The following PPARD variants were observed in gnomAD, a reference collection of about 807,000 sequenced individuals.
The protein encoded by PPARD is peroxisome proliferator activated receptor delta, also known as peroxisome proliferator-activated receptor delta.
Under a neutral mutation model 39.5 loss-of-function variants are expected in PPARD, and 6 were observed. That is an observed-to-expected ratio of 0.15 (90% confidence interval 0.08 to 0.30). The LOEUF (loss-of-function observed/expected upper bound fraction) is 0.30, where lower values mean the gene tolerates loss of function less well. PPARD is among the 10% of genes least tolerant of loss of function. The probability of loss-of-function intolerance (pLI) is 1.00; values close to 1 mark genes in which losing one functional copy is unlikely to be tolerated. For missense variants in PPARD, 397 were observed against 596.8 expected, an observed-to-expected ratio of 0.67 and a Z score of 3.49; for synonymous variants, 210 against 231.3, an observed-to-expected ratio of 0.91 and a Z score of 0.83.
intron 2 of PPARD, among the ~76,000 whole-genome samples, chr6:35,347,431 C>T (rs1457426116): frequency 6.6e-6 from 1 of 152,100 alleles, no homozygotes. Context: ...GTTTTGCTGC[C>T]TGTTGTGTCT....
At chr6:35,423,520 G>A (rs1184952267) in intron 5 of PPARD, among the ~76,000 whole-genome samples, 92 of 150,806 alleles carry the variant, frequency 6.1e-4, no homozygotes, top group African/African-American at 2.1e-3. Context: ...GAGACAGAGC[G>A]AGACTCTGTC....
chr6:35,369,046 A>G (rs1235323607), intron 2 of PPARD, among the ~76,000 whole-genome samples: 1 of 152,218 alleles, frequency 6.6e-6, no homozygotes, highest in East Asian at 1.9e-4. Flanking sequence ...TACTTAAGGT[A>G]CACTTGGAAA....
At chr6:35,354,256 G>A (rs1412718443) in intron 2 of PPARD, among the ~76,000 whole-genome samples, 3 of 140,700 alleles carry the variant, frequency 2.1e-5, no homozygotes, top group Admixed American at 1.4e-4. Context: ...AAAAAAAAGC[G>A]ATACACATTC....
At chr6:35,386,763 A>T (rs746906438) in intron 2 of PPARD, among the ~76,000 whole-genome samples, 21 of 152,096 alleles carry the variant, frequency 1.4e-4, no homozygotes, top group Non-Finnish European at 2.6e-4. Context: ...TGAGAGACAG[A>T]GACAGACCTA....
chr6:35,377,359 G>A (rs891191710), intron 2 of PPARD, among the ~76,000 whole-genome samples: 2 of 152,088 alleles, frequency 1.3e-5, no homozygotes, highest in African/African-American at 2.4e-5. Context: ...GCTCTTTCAC[G>A]TTAATTTAGT....
At chr6:35,354,226 C>T (rs1207369088) in intron 2 of PPARD, among the ~76,000 whole-genome samples, 3 of 119,306 alleles carry the variant, frequency 2.5e-5, no homozygotes, top group African/African-American at 7.2e-5. Flanking sequence ...AGCGAGACTC[C>T]GTCTCAAAAA....
At chr6:35,371,432 C>A (rs751454833) in intron 2 of PPARD, among the ~76,000 whole-genome samples, 18 of 152,166 alleles carry the variant, frequency 1.2e-4, no homozygotes, top group Non-Finnish European at 2.4e-4. Context: ...TACTAAAGTT[C>A]TTTTCTCCTG....
chr6:35,363,080 C>T lies in PPARD; in HGVS notation c.-102+15930C>T, dbSNP rs768982791. Among the ~76,000 whole-genome samples, 55 of 152,170 alleles carry T rather than the reference C, an allele frequency of 3.6e-4. No individual in the cohort carries two copies. The highest frequency in any genetic ancestry group is 5.2e-4 in the Admixed American group (8 of 15,276). The stretch of plus-strand genomic sequence containing the variant: ...AGTAACTCAGATTCCGTTCCAGAAA[C>T]GCATCTCAAAGCAAGGGAGAAAATT... On this transcript the variant is annotated intron_variant, in intron 2 of 7. Coordinates refer to ENST00000360694, the MANE Select transcript of PPARD (RefSeq NM_006238.5). The surrounding 1 kb of genome is among the most constrained non-coding windows in gnomAD (Gnocchi z 4.5).
At chr6:35,352,400 G>A (rs767422300) in intron 2 of PPARD, among the ~76,000 whole-genome samples, 7 of 151,866 alleles carry the variant, frequency 4.6e-5, no homozygotes, top group South Asian at 2.1e-4. Context: ...TGGTCAGGCC[G>A]GTCTCGAACT....
Position 35,426,483 on chromosome 6 carries a change from A to G in PPARD, c.*404A>G, listed in dbSNP as rs200391460. On this transcript the variant is annotated 3_prime_UTR_variant, in exon 8 of 8. Coordinates refer to ENST00000360694, the MANE Select transcript of PPARD (RefSeq NM_006238.5). The stretch of plus-strand genomic sequence containing the variant: ...TAGAACAGGACCTCTGCTTTTGCAC[A>G]CCTTTTCCCCAGGAGCAGAAGAGAG... 5.0e-6 allele frequency: 1 copy of G among 198,060 alleles called. No homozygotes were observed. Among genetic ancestry groups the G allele is most frequent in the Non-Finnish European group, 1.0e-5 (1 of 96,828 alleles). 12.3% of individuals were successfully genotyped at this position (198,060 alleles called of 1,614,324 possible).
intron 1 of PPARD, among the ~76,000 whole-genome samples, chr6:35,343,590 A>G (rs1160008445): frequency 6.6e-6 from 1 of 152,236 alleles, no homozygotes; most frequent in Non-Finnish European, 1.5e-5. Flanking sequence ...ACTAAAGGAA[A>G]TAACAGATTG....
intron 2 of PPARD, among the ~76,000 whole-genome samples, chr6:35,383,554 C>G (rs572483917): frequency 1.1e-4 from 16 of 144,298 alleles, no homozygotes; most frequent in South Asian, 8.7e-4. Flanking sequence ...GGAGCGTCTC[C>G]GACCGGCCGC....
chr6:35,411,359 G>A (rs1653859988), intron 3 of PPARD, 142 bp downstream of exon 3: 3 of 1,081,380 alleles, frequency 2.8e-6, no homozygotes, highest in Non-Finnish European at 3.6e-6. Context: ...CTGGGTTCAC[G>A]CCCAGTGCGG....
chr6:35,399,067 C>T (rs553113953), intron 2 of PPARD, among the ~76,000 whole-genome samples: 4 of 151,896 alleles, frequency 2.6e-5, no homozygotes, highest in South Asian at 2.1e-4. Flanking sequence ...GAGCTGAGAT[C>T]GAGCCATTGC....
At chr6:35,388,325 A>T (rs1387944838) in intron 2 of PPARD, among the ~76,000 whole-genome samples, 4 of 152,196 alleles carry the variant, frequency 2.6e-5, no homozygotes, top group African/African-American at 4.8e-5. Flanking sequence ...GAGAGGCAGC[A>T]TCTGCAGAGG....
intron 2 of PPARD, among the ~76,000 whole-genome samples, chr6:35,384,992 C>CT: frequency 7.1e-6 from 1 of 141,448 alleles, no homozygotes; most frequent in Non-Finnish European, 1.5e-5. Context: ...GGGCCAGCCG[C>CT]CCCGTCCGGG....
chr6:35,413,322 C>A (rs4713854), intron 3 of PPARD, among the ~76,000 whole-genome samples: 143,392 of 152,288 alleles, frequency 0.94, 67,652 homozygotes, highest in East Asian at 1. Context: ...ACTATGTAGG[C>A]GGTGGTGTTT....
chr6:35,414,545 C>G (rs1415588873), intron 3 of PPARD, among the ~76,000 whole-genome samples: 1 of 152,158 alleles, frequency 6.6e-6, no homozygotes, highest in South Asian at 2.1e-4. Flanking sequence ...GAGACCAGGG[C>G]AGGCATCCCA....
At chr6:35,396,497 C>T (rs1191061120) in intron 2 of PPARD, among the ~76,000 whole-genome samples, 1 of 147,584 alleles carries the variant, frequency 6.8e-6, no homozygotes, top group Non-Finnish European at 1.5e-5. Context: ...AGCCACCGCG[C>T]CTAGCCCTAT....
Sources: gnomAD v4.1 joint callset for allele counts (sites outside exome capture counted in the v4.1 genomes callset) on GRCh38, gnomAD v4.1.1 for gene constraint, Gnocchi (gnomAD v3.1) non-coding constraint, MANE v1.5 for transcripts, NCBI Gene and HGNC (gene_info 2026-07-23, HGNC 2026-07-21) for gene names.